Variants in TSC22D3 observed in about 807,000 individuals in gnomAD.
TSC22D3 encodes the protein TSC22 domain family member 3.
Under a neutral mutation model 11.1 loss-of-function variants are expected in TSC22D3, and 4 were observed. That is an observed-to-expected ratio of 0.36 (90% confidence interval 0.18 to 0.83). The LOEUF is 0.83. Ranked by LOEUF, TSC22D3 falls within the 40% of genes least tolerant of loss-of-function variation. The pLI is 0.48. For missense variants in TSC22D3, 118 were observed against 159.4 expected, an observed-to-expected ratio of 0.74 and a Z score of 1.40; for synonymous variants, 77 against 70.3, an observed-to-expected ratio of 1.10 and a Z score of -0.48.
chrX:107,765,172 C>T (rs1241574535), intron 1 of TSC22D3, among the ~76,000 whole-genome samples: 3 of 112,119 alleles, frequency 2.7e-5, no homozygotes, highest in Non-Finnish European at 5.6e-5. Context: ...TGCTTTCCAT[C>T]GTGCCAAAGC....
intron 1 of TSC22D3, among the ~76,000 whole-genome samples, chrX:107,730,283 G>A (rs1255622942): frequency 9.0e-6 from 1 of 111,703 alleles, no homozygotes; most frequent in Non-Finnish European, 1.9e-5. Context: ...AAAGCACTGG[G>A]CTGCCTCTAG....
chrX:107,774,957 C>T (rs1930066273), intron 1 of TSC22D3, 143 bp downstream of exon 1: 5 of 684,387 alleles, frequency 7.3e-6, no homozygotes, highest in South Asian at 2.7e-5. Flanking sequence ...CAGGCAACCT[C>T]AAGGTCCAGT....
intron 1 of TSC22D3, chrX:107,716,816 C>T: frequency 8.3e-7 from 1 of 1,209,594 alleles, no homozygotes. Context: ...GTTCATGGCT[C>T]GGGCTGCTAG....
In TSC22D3 at chrX:107,762,775, C is replaced by T. The variant is rs1217888190; in HGVS notation, c.320+12325G>A. The stretch of plus-strand genomic sequence containing the variant: ...TTCTCTTCCCAGTGTGGTTGGGAAA[C>T]AGCTAGTCACCATCTCTGAGTTGTG... On this transcript the variant is annotated intron_variant, in intron 1 of 2. Transcript: ENST00000372383. Among the ~76,000 whole-genome samples, 7 of 103,629 alleles carry T rather than the reference C, an allele frequency of 6.8e-5. No individual in the cohort carries two copies. In the East Asian group the frequency reaches 2.1e-3, roughly 31 times the overall value. The allele number at this position is 103,629 out of a possible 115,157, so 90.0% of individuals were successfully genotyped here. A position where few individuals can be genotyped will look rare whatever the true frequency, so the allele number is the denominator to read the frequency against.
chrX:107,719,808 C>T (rs749380977), intron 1 of TSC22D3, among the ~76,000 whole-genome samples: 12 of 111,551 alleles, frequency 1.1e-4, no homozygotes, highest in East Asian at 2.8e-4. Flanking sequence ...TTGAGTTCTG[C>T]GAGCCTTGGC....
intron 1 of TSC22D3, among the ~76,000 whole-genome samples, chrX:107,750,296 G>T (rs1177878192): frequency 1.9e-5 from 2 of 107,322 alleles, no homozygotes; most frequent in African/African-American, 6.9e-5. Context: ...CCTAGGGTGA[G>T]TCTGCTGAAG....
chrX:107,754,084 T>A (rs763172651), intron 1 of TSC22D3, among the ~76,000 whole-genome samples: 4 of 110,221 alleles, frequency 3.6e-5, no homozygotes, highest in East Asian at 5.7e-4. Flanking sequence ...CCTAGCTAAT[T>A]TTTTTTTGTA....
intron 1 of TSC22D3, among the ~76,000 whole-genome samples, chrX:107,744,970 C>T (rs1209923761): frequency 8.9e-6 from 1 of 111,770 alleles, no homozygotes; most frequent in Non-Finnish European, 1.9e-5. Flanking sequence ...TTTTTCAACT[C>T]AGTAATAACA....
At chrX:107,742,682 C>T (rs183620123) in intron 1 of TSC22D3, among the ~76,000 whole-genome samples, 125 of 111,570 alleles carry the variant, frequency 1.1e-3, no homozygotes, top group African/African-American at 3.9e-3. Context: ...ATCCAAGGTC[C>T]CTTGCAGGGA....
intron 1 of TSC22D3, among the ~76,000 whole-genome samples, chrX:107,753,734 T>C (rs1451120772): frequency 1.8e-5 from 2 of 111,600 alleles, no homozygotes; most frequent in East Asian, 5.6e-4. Flanking sequence ...TATTTCTAGG[T>C]GGCTTTTCCA....
intron 2 of TSC22D3, among the ~76,000 whole-genome samples, chrX:107,715,440 C>T (rs891159477): frequency 8.9e-6 from 1 of 112,282 alleles, no homozygotes; most frequent in Non-Finnish European, 1.9e-5. Flanking sequence ...TGTGGCTGCT[C>T]CTTGGAGTAT....
At chrX:107,762,234 G>A (rs1929473110) in intron 1 of TSC22D3, among the ~76,000 whole-genome samples, 1 of 111,646 alleles carries the variant, frequency 9.0e-6, no homozygotes, top group Non-Finnish European at 1.9e-5. Context: ...CCCCTGCAGA[G>A]GAGTGTGCTC....
chrX:107,742,896 AGCCCCGAGAGCAGC>A (rs1928483572), intron 1 of TSC22D3, among the ~76,000 whole-genome samples: 1 of 111,863 alleles, frequency 8.9e-6, no homozygotes, highest in Non-Finnish European at 1.9e-5. Context: ...GCTCCTCGGG[AGCCCCGAGAGCAGC>A]GCCCGTTCCC....
chrX:107,743,163 C>T (rs1928501166), intron 1 of TSC22D3, among the ~76,000 whole-genome samples: 1 of 112,787 alleles, frequency 8.9e-6, no homozygotes, highest in South Asian at 3.6e-4. Context: ...CGGGAGAAGC[C>T]AGTTCCGAAG....
At chrX:107,757,428 A>G (rs1485936687) in intron 1 of TSC22D3, among the ~76,000 whole-genome samples, 1 of 112,143 alleles carries the variant, frequency 8.9e-6, no homozygotes, top group Non-Finnish European at 1.9e-5. Context: ...CTGAACATCC[A>G]TCACCCACTT....
chrX:107,739,319 T>A (rs1319470477), intron 1 of TSC22D3, among the ~76,000 whole-genome samples: 1 of 112,963 alleles, frequency 8.9e-6, no homozygotes, highest in Non-Finnish European at 1.9e-5. Context: ...GAATGAGGAA[T>A]CTTGATGTCA....
chrX:107,724,997 A>T (rs1352399422), intron 1 of TSC22D3, among the ~76,000 whole-genome samples: 1 of 111,248 alleles, frequency 9.0e-6, no homozygotes, highest in Admixed American at 9.5e-5. Flanking sequence ...GAGAAGTGTG[A>T]TCTGAAGGGT....
intron 1 of TSC22D3, among the ~76,000 whole-genome samples, chrX:107,749,089 T>C (rs1460665771): frequency 1.8e-5 from 2 of 110,036 alleles, no homozygotes; most frequent in Non-Finnish European, 3.8e-5. Flanking sequence ...GATCCCAGCA[T>C]TTTGGGAGGC....
intron 1 of TSC22D3, among the ~76,000 whole-genome samples, chrX:107,764,402 A>G (rs891433413): frequency 1.1e-4 from 12 of 112,188 alleles, no homozygotes; most frequent in African/African-American, 3.6e-4. Context: ...CCAAGACACT[A>G]ACTTGGGGAG....
Sources: allele counts gnomAD v4.1 joint callset (sites outside exome capture counted in the v4.1 genomes callset), GRCh38; gene constraint gnomAD v4.1.1; transcripts MANE v1.5; gene names NCBI Gene and HGNC (gene_info 2026-07-23, HGNC 2026-07-21).